Variants in SGCD observed in about 807,000 individuals in gnomAD.
The protein encoded by SGCD is sarcoglycan delta.
A neutral mutation model predicts 36.6 loss-of-function variants in SGCD; 18 were observed. The ratio of observed to expected loss-of-function variants is 0.49; its 90% CI spans 0.34 to 0.73. The LOEUF (loss-of-function observed/expected upper bound fraction) is 0.73, where lower values mean the gene tolerates loss of function less well. SGCD is among the 30% of genes least tolerant of loss of function. The pLI is 0.01. For synonymous variants in SGCD, 133 were observed against 130.6 expected, an observed-to-expected ratio of 1.02 and a Z score of -0.12; for missense variants, 387 against 346.7, an observed-to-expected ratio of 1.12 and a Z score of -0.92.
chr5:155,960,394 C>G (rs1347892249), intron 1 of SGCD, among the ~76,000 whole-genome samples: 1 of 152,004 alleles, frequency 6.6e-6, no homozygotes, highest in African/African-American at 2.4e-5. Flanking sequence ...TTTCCCTAGC[C>G]CAGCGCCAAG....
At chr5:155,810,581 C>T in the SGCD span, among the ~76,000 whole-genome samples, 1 of 152,072 alleles carries the variant, frequency 6.6e-6, no homozygotes, top group South Asian at 2.1e-4. Context: ...AATACAGTTA[C>T]AACTAACTTT....
At chr5:156,416,384 A>C (rs987093685) in intron 3 of SGCD, among the ~76,000 whole-genome samples, 2 of 152,286 alleles carry the variant, frequency 1.3e-5, no homozygotes, top group South Asian at 4.1e-4. Flanking sequence ...GGAGGTGGCA[A>C]GGGATAAAAG....
At chr5:155,755,937 A>G in the SGCD span, among the ~76,000 whole-genome samples, 2 of 152,234 alleles carry the variant, frequency 1.3e-5, no homozygotes, top group Non-Finnish European at 2.9e-5. Flanking sequence ...AAGAAAAGAA[A>G]TCAATAGAAC....
chr5:155,913,589 CT>C (rs1340991863), intron 1 of SGCD, among the ~76,000 whole-genome samples: 1 of 152,080 alleles, frequency 6.6e-6, no homozygotes, highest in Non-Finnish European at 1.5e-5. Flanking sequence ...ATTATCCCTT[CT>C]TGTTATTTAA....
intron 3 of SGCD, among the ~76,000 whole-genome samples, chr5:156,491,211 A>G (rs967177682): frequency 1.3e-5 from 2 of 152,160 alleles, no homozygotes; most frequent in African/African-American, 4.8e-5. Context: ...AGCAAATGGA[A>G]AAACATCCCC....
chr5:155,815,009 C>A, the SGCD span, among the ~76,000 whole-genome samples: 1 of 152,008 alleles, frequency 6.6e-6, no homozygotes, highest in Non-Finnish European at 1.5e-5. Context: ...GGTTTAATAA[C>A]TTCAATATAC....
chr5:156,525,760 C>T (rs1757619419), intron 4 of SGCD, among the ~76,000 whole-genome samples: 1 of 151,936 alleles, frequency 6.6e-6, no homozygotes, highest in Admixed American at 6.6e-5. Context: ...TTTTTGTGTA[C>T]AGTATAAAAT....
At chr5:156,547,451 T>TTTTTC (rs1185222319) in intron 4 of SGCD, among the ~76,000 whole-genome samples, 1 of 151,722 alleles carries the variant, frequency 6.6e-6, no homozygotes, top group African/African-American at 2.4e-5. Context: ...CTTTTTTTTT[T>TTTTTC]TTTTCTTTTG....
chr5:156,508,869 G>A (rs188000769), intron 4 of SGCD, among the ~76,000 whole-genome samples, 167 bp downstream of exon 4: 126 of 152,178 alleles, frequency 8.3e-4, no homozygotes, highest in Non-Finnish European at 5.3e-4. Context: ...CACAGCAGTG[G>A]TACTGTAAGC....
chr5:156,531,000 C>T (rs1237533409), intron 4 of SGCD, among the ~76,000 whole-genome samples: 1 of 152,174 alleles, frequency 6.6e-6, no homozygotes, highest in East Asian at 1.9e-4. Context: ...GTGTCCCCTC[C>T]AAAACTCATG....
chr5:155,783,068 C>A, the SGCD span, among the ~76,000 whole-genome samples: 1 of 152,088 alleles, frequency 6.6e-6, no homozygotes, highest in Non-Finnish European at 1.5e-5. Context: ...GAGCTTGTTA[C>A]CTGTCTGAAC....
At chr5:155,734,634 A>G in the SGCD span, among the ~76,000 whole-genome samples, 2 of 152,200 alleles carry the variant, frequency 1.3e-5, no homozygotes, top group African/African-American at 4.8e-5. Context: ...TGTATATGAA[A>G]CACATTCTGG....
chr5:155,883,590 A>G (rs1755934357), intron 1 of SGCD, among the ~76,000 whole-genome samples: 1 of 152,052 alleles, frequency 6.6e-6, no homozygotes, highest in African/African-American at 2.4e-5. Context: ...TTGCCATCTG[A>G]TATGGGCCCC....
chr5:156,443,240 C>T (rs1581000828), intron 3 of SGCD, among the ~76,000 whole-genome samples: 1 of 152,158 alleles, frequency 6.6e-6, no homozygotes, highest in East Asian at 1.9e-4. Flanking sequence ...CTGCCTTGGC[C>T]TCCCAAAGTG....
At chr5:155,833,949 C>T in the SGCD span, among the ~76,000 whole-genome samples, 3 of 152,238 alleles carry the variant, frequency 2.0e-5, no homozygotes, top group Non-Finnish European at 4.4e-5. Context: ...AGAGACCCTA[C>T]ACTGAGTTGT....
At chr5:155,833,973 T>G in the SGCD span, among the ~76,000 whole-genome samples, 2,156 of 152,326 alleles carry the variant, frequency 0.014, 61 homozygotes, top group African/African-American at 0.049. Flanking sequence ...AGGACATCAG[T>G]CTTCCTTTCA....
the SGCD span, among the ~76,000 whole-genome samples, chr5:155,731,801 A>G: frequency 2.6e-5 from 4 of 152,198 alleles, no homozygotes; most frequent in South Asian, 2.1e-4. Flanking sequence ...GCCTGTTCCA[A>G]TAGGGACCGG....
the SGCD span, among the ~76,000 whole-genome samples, chr5:155,738,874 T>G: frequency 6.7e-6 from 1 of 148,334 alleles, no homozygotes; most frequent in Non-Finnish European, 1.5e-5. Context: ...TGAGTGCGTG[T>G]GAGAGAGAGT....
At chr5:155,997,169 G>A (rs900610512) in intron 1 of SGCD, among the ~76,000 whole-genome samples, 3 of 152,064 alleles carry the variant, frequency 2.0e-5, no homozygotes, top group Non-Finnish European at 4.4e-5. Context: ...CTATGTACTT[G>A]GTACTATGTT....
Sources: gnomAD v4.1 joint callset for allele counts (sites outside exome capture counted in the v4.1 genomes callset) on GRCh38, gnomAD v4.1.1 for gene constraint, MANE v1.5 for transcripts, NCBI Gene and HGNC (gene_info 2026-07-23, HGNC 2026-07-21) for gene names.